Variants in NPLOC4 observed in about 807,000 individuals in gnomAD.
NPLOC4 encodes the protein nuclear protein localization protein 4 homolog.
A neutral mutation model predicts 80.6 loss-of-function variants in NPLOC4; 18 were observed. The observed-to-expected ratio is 0.22, with a 90% confidence interval of 0.15 to 0.33. The LOEUF is 0.33. NPLOC4 is among the 10% of genes least tolerant of loss of function. The pLI, the probability that NPLOC4 is intolerant of heterozygous loss-of-function variation, is 1.00. For missense variants in NPLOC4, 540 were observed against 786.1 expected (o/e 0.69, Z 3.74); for synonymous variants, 313 against 301.5 (o/e 1.04, Z -0.39).
chr17:81,629,406 TCTTGAACTCCTCA>T (rs1394918836), intron 2 of NPLOC4, among the ~76,000 whole-genome samples: 2 of 152,036 alleles, frequency 1.3e-5, no homozygotes, highest in African/African-American at 2.4e-5. Flanking sequence ...GCCAGGCTGG[TCTTGAACTCCTCA>T]CTTCGTGATC....
At chr17:81,622,691 C>T (rs1022074688) in intron 2 of NPLOC4, among the ~76,000 whole-genome samples, 1 of 152,056 alleles carries the variant, frequency 6.6e-6, no homozygotes, top group Non-Finnish European at 1.5e-5. Context: ...GCTGGGATTA[C>T]AGGCGCCTGC....
At chr17:81,607,013 T>C (rs528749756) in intron 6 of NPLOC4, among the ~76,000 whole-genome samples, 199 bp from the exon 7 acceptor site, 1 of 152,324 alleles carries the variant, frequency 6.6e-6, no homozygotes, top group South Asian at 2.1e-4. Flanking sequence ...TCCCAGCTTC[T>C]GTCCCACATA....
chr17:81,597,426 G>C lies in NPLOC4; in HGVS notation c.922-110C>G, dbSNP rs1462124981. On this transcript the variant is annotated intron_variant, in intron 9 of 16. Transcript: ENST00000331134. ...AGCACTTTGAGAGGCCGAGGCAGGA[G>C]AATCACGAGGTTAAGAGATCGAGAC... The C allele has an allele frequency of 5.0e-6, 4 of 798,170 alleles. No homozygotes were observed. In the East Asian group the frequency reaches 1.0e-4, roughly 20 times the overall value. The allele number at this position is 798,170 out of a possible 1,614,324, so 49.4% of individuals were successfully genotyped here. A position where few individuals can be genotyped will look rare whatever the true frequency, so the allele number is the denominator to read the frequency against.
intron 3 of NPLOC4, among the ~76,000 whole-genome samples, chr17:81,619,650 G>A (rs986076649): frequency 3.3e-5 from 5 of 151,934 alleles, no homozygotes; most frequent in Non-Finnish European, 7.4e-5. Context: ...AGGCTGAGGC[G>A]GGTGAATCAC....
chr17:81,582,829 C>G (rs1009815128), intron 12 of NPLOC4, among the ~76,000 whole-genome samples: 1 of 152,254 alleles, frequency 6.6e-6, no homozygotes, highest in Non-Finnish European at 1.5e-5. Flanking sequence ...CAAACAAAAC[C>G]CCCACCAGCT....
chr17:81,596,332 G>T, intron 10 of NPLOC4, 90 bp from the exon 11 acceptor site: 1 of 1,426,758 alleles, frequency 7.0e-7, no homozygotes, highest in South Asian at 1.3e-5. Flanking sequence ...ACTAAGCCAG[G>T]AGCAGTGACT....
At chr17:81,566,201 G>A (rs151276020) in intron 15 of NPLOC4, among the ~76,000 whole-genome samples, 80 of 152,174 alleles carry the variant, frequency 5.3e-4, no homozygotes, top group African/African-American at 1.8e-3. Flanking sequence ...GCGTGGTTGC[G>A]GGCACCTGTA....
intron 2 of NPLOC4, among the ~76,000 whole-genome samples, chr17:81,626,090 A>G (rs906766579): frequency 4.6e-5 from 7 of 151,222 alleles, no homozygotes; most frequent in Non-Finnish European, 8.8e-5. Flanking sequence ...TGGAGGTTGC[A>G]GTGGGCAGAG....
chr17:81,584,407 C>A (rs1435596447), intron 12 of NPLOC4, among the ~76,000 whole-genome samples: 2 of 152,148 alleles, frequency 1.3e-5, no homozygotes, highest in African/African-American at 4.8e-5. Flanking sequence ...AAGAAACTTA[C>A]AATAACGCAT....
At chr17:81,579,453 C>T (rs2034381822) in intron 12 of NPLOC4, among the ~76,000 whole-genome samples, 2 of 152,140 alleles carry the variant, frequency 1.3e-5, no homozygotes, top group East Asian at 1.9e-4. Flanking sequence ...CAGCCTCTCC[C>T]TCCTACCTGG....
At chr17:81,599,017 G>A (rs983786123) in intron 9 of NPLOC4, among the ~76,000 whole-genome samples, 8 of 152,230 alleles carry the variant, frequency 5.3e-5, no homozygotes, top group African/African-American at 1.4e-4. Flanking sequence ...GGCCAGGCAC[G>A]GTGGCTCACG....
At chr17:81,559,624 G>T (rs1334153392) in intron 16 of NPLOC4, among the ~76,000 whole-genome samples, 3 of 151,948 alleles carry the variant, frequency 2.0e-5, no homozygotes, top group Non-Finnish European at 4.4e-5. Flanking sequence ...ACCACAGGGA[G>T]TAACAGGGAG....
Position 81,622,027 on chromosome 17 carries a change from G to A in NPLOC4, c.209+139C>T, listed in dbSNP as rs974319103. On this transcript the variant is annotated intron_variant, in intron 3 of 16. Transcript: ENST00000331134. ...TTACTGAATTCCTGGCAAGCAACAC[G>A]GTCATGTGTATTCTGGTCAGTTGAT... 5.0e-5 allele frequency: 32 copies of A among 643,014 alleles called. 1 individual carries two copies. Among genetic ancestry groups the A allele is most frequent in the South Asian group, 1.7e-4 (9 of 54,366 alleles). 39.8% of individuals were successfully genotyped at this position (643,014 alleles called of 1,614,324 possible).
At chr17:81,559,795 C>T (rs6565597) in intron 16 of NPLOC4, among the ~76,000 whole-genome samples, 43,934 of 145,922 alleles carry the variant, frequency 0.3, 6,958 homozygotes, top group Non-Finnish European at 0.36. Flanking sequence ...TGCAGTGGCA[C>T]GATCTCGGCT....
At chr17:81,574,468 T>A (rs1352856374) in intron 12 of NPLOC4, among the ~76,000 whole-genome samples, 1 of 152,228 alleles carries the variant, frequency 6.6e-6, no homozygotes, top group Non-Finnish European at 1.5e-5. Flanking sequence ...CACACCATTT[T>A]AAAAGGCAAT....
chr17:81,591,472 A>C (rs1187083122), intron 11 of NPLOC4, among the ~76,000 whole-genome samples: 3 of 147,266 alleles, frequency 2.0e-5, no homozygotes, highest in East Asian at 2.0e-4. Flanking sequence ...AAAAAAAAAA[A>C]CCTGCTCTGG....
In NPLOC4 at chr17:81,569,189, T is replaced by C. The variant is rs977036840; in HGVS notation, c.1354-78A>G. 1.3e-4 allele frequency: 116 copies of C among 898,000 alleles called. 1 individual carries two copies. The highest frequency in any genetic ancestry group is 4.3e-4 in the Middle Eastern group (2 of 4,618). 55.6% of individuals were successfully genotyped at this position (898,000 alleles called of 1,614,324 possible). On this transcript the variant is annotated intron_variant, in intron 13 of 16. Coordinates refer to ENST00000331134, the MANE Select transcript of NPLOC4 (RefSeq NM_017921.4). ...CGACTCCCAGCCAGCCCAGAGCATC[T>C]CCCAGAGCCCAAATTAACGACTCCT...
rs887994387 is a variant in NPLOC4, at chr17:81,635,475, G to A, written c.15+1441C>T. ...CACCAAGAGGGCCCCTGACTGGAGAGATGATGGAACCACCAGAGAACAGCC... is the reference window on the plus strand; with the variant it reads ...CACCAAGAGGGCCCCTGACTGGAGAAATGATGGAACCACCAGAGAACAGCC... On this transcript the variant is annotated intron_variant, in intron 1 of 16. Coordinates refer to ENST00000331134, the MANE Select transcript of NPLOC4 (RefSeq NM_017921.4). Among the ~76,000 whole-genome samples the A allele has an allele frequency of 2.6e-5, 4 of 152,156 alleles. 1 individual carries two copies. Among genetic ancestry groups the A allele is most frequent in the Admixed American group, 6.5e-5 (1 of 15,288 alleles).
Position 81,597,257 on chromosome 17 carries a change from G to A in NPLOC4, c.981C>T (p.Tyr327=), listed in dbSNP as rs775726399. 3 of 1,613,314 alleles carry A rather than the reference G, an allele frequency of 1.9e-6. No homozygotes were observed. The highest frequency in any genetic ancestry group is 2.5e-6 in the Non-Finnish European group (3 of 1,179,422). Reference sequence around the variant, plus strand: ...GTCTCCACCTCACCTTATTTCGACTGTAGCGGACGGTACCCTTTCGGGTAT... The same window carrying A: ...GTCTCCACCTCACCTTATTTCGACTATAGCGGACGGTACCCTTTCGGGTAT... ...SEDTRKGTVR[Y]SRNKDTYFLS... is the part of the protein sequence containing the mutation. The change falls in exon 10 of 17, where the codon TAC becomes TAT. Residue 327 remains tyrosine (Y), a synonymous_variant. Transcript: ENST00000331134.
Sources: gnomAD v4.1 joint callset for allele counts (sites outside exome capture counted in the v4.1 genomes callset) on GRCh38, gnomAD v4.1.1 for gene constraint, MANE v1.5 for transcripts, NCBI Gene and HGNC (gene_info 2026-07-23, HGNC 2026-07-21) for gene names.